Variants in PITPNB observed in about 807,000 individuals in gnomAD.
PITPNB encodes the protein phosphatidylinositol transfer protein beta isoform.
Under a neutral mutation model 45.9 loss-of-function variants are expected in PITPNB, and 16 were observed. The observed-to-expected ratio is 0.35, with a 90% CI of 0.24 to 0.53. The LOEUF (loss-of-function observed/expected upper bound fraction) is 0.53. Among genes scored for constraint, PITPNB ranks in the 20% least tolerant of loss-of-function variants. The pLI is 0.93. For synonymous variants in PITPNB, 112 were observed against 108.9 expected, an observed-to-expected ratio of 1.03 and a Z score of -0.18; for missense variants, 188 against 330.5, an observed-to-expected ratio of 0.57 and a Z score of 3.34.
At chr22:27,879,621 C>T (rs1480615496) in intron 7 of PITPNB, among the ~76,000 whole-genome samples, 1 of 152,116 alleles carries the variant, frequency 6.6e-6, no homozygotes, top group Non-Finnish European at 1.5e-5. Context: ...TCAAACTCTA[C>T]TACCAATGAA....
At chr22:27,882,970 T>C (rs1935016721) in intron 7 of PITPNB, among the ~76,000 whole-genome samples, 1 of 152,136 alleles carries the variant, frequency 6.6e-6, no homozygotes, top group African/African-American at 2.4e-5. Flanking sequence ...AATGAGAAAA[T>C]GTATGAGTGG....
At chr22:27,896,838 T>C in intron 5 of PITPNB, 1 of 604,596 alleles carries the variant, frequency 1.7e-6, no homozygotes, top group East Asian at 2.8e-5. Context: ...ACAATTCTAC[T>C]TGCCACGTGG....
intron 7 of PITPNB, among the ~76,000 whole-genome samples, chr22:27,884,239 G>A (rs1404309936): frequency 6.6e-6 from 1 of 152,182 alleles, no homozygotes; most frequent in Non-Finnish European, 1.5e-5. Context: ...ATCTGCAAAT[G>A]AGGAAAGGTA....
chr22:27,919,238 C>T lies in PITPNB; in HGVS notation c.-47G>A, dbSNP rs527635024. ...CTGCCGCCGATACCACCGCCGCCGC[C>T]GCCGCTACCGCCTCTCACAGCGCCT... On this transcript the variant is annotated 5_prime_UTR_variant, in exon 1 of 12. Coordinates refer to ENST00000335272, the MANE Select transcript of PITPNB (RefSeq NM_012399.5). The T allele has an allele frequency of 2.0e-6, 3 of 1,526,964 alleles. No individual in the cohort carries two copies. The highest frequency in any genetic ancestry group is 1.4e-5 in the African/African-American group (1 of 73,396). The allele number at this position is 1,526,964 out of a possible 1,614,324, so 94.6% of individuals were successfully genotyped here.
intron 1 of PITPNB, among the ~76,000 whole-genome samples, chr22:27,916,975 T>C (rs1366982417): frequency 1.3e-5 from 2 of 152,184 alleles, no homozygotes; most frequent in African/African-American, 4.8e-5. Context: ...CAACACTGAA[T>C]TCTTTAGAGC....
In PITPNB at chr22:27,852,327, C is replaced by T. The variant is rs1934042723; in HGVS notation, c.*1375G>A. 1 of 152,138 alleles carries T rather than the reference C, an allele frequency of 6.6e-6. No individual in the cohort carries two copies. The highest frequency in any genetic ancestry group is 6.5e-5 in the Admixed American group (1 of 15,282). 9.4% of individuals were successfully genotyped at this position (152,138 alleles called of 1,614,324 possible). ...AACAATATAATTCTATTCAAGCTTC[C>T]AGGACTGACAGAGGAAAAACTGGAT... is the stretch of plus-strand genomic sequence containing the variant. On this transcript the variant is annotated 3_prime_UTR_variant, in exon 12 of 12. Transcript: ENST00000335272.
chr22:27,894,570 A>G lies in PITPNB; in HGVS notation c.441T>C (p.Ser147=). The G allele has an allele frequency of 6.3e-7, 1 of 1,576,634 alleles. No individual in the cohort carries two copies. The change falls in exon 7 of 12, where the codon AGT becomes AGC. Residue 147 remains serine (S), a synonymous_variant. Coordinates refer to ENST00000335272, the MANE Select transcript of PITPNB (RefSeq NM_012399.5). The part of the protein sequence containing the change: ...EIVHIDIADR[S]QVEPADYKAD... ...TAATACTTACTGCTGGTTCAACTTG[A>G]CTTCTATCTGCAATATCTATATGGA...
rs142285568 is a variant in PITPNB, at chr22:27,889,109, C to T, written c.456+5446G>A. 2.1e-4 allele frequency among the ~76,000 whole-genome samples: 32 copies of T among 152,246 alleles called. No homozygotes were observed. In the East Asian group the frequency reaches 5.6e-3, roughly 27 times the overall value. On this transcript the variant is annotated intron_variant, in intron 7 of 11. Transcript: ENST00000335272. ...GACTAACGACAAGCAAGCACAACTG[C>T]GCTGGGAGAGGGAACAGGAAGGAAC...
In PITPNB at chr22:27,891,197, T is replaced by C. The variant is rs1226489970; in HGVS notation, c.456+3358A>G. Among the ~76,000 whole-genome samples, 8 of 152,212 alleles carry C rather than the reference T, an allele frequency of 5.3e-5. No individual in the cohort carries two copies. The East Asian group carries it at 1.5e-3, about 29-fold the overall frequency. On this transcript the variant is annotated intron_variant, in intron 7 of 11. Transcript: ENST00000335272. Reference sequence around the variant, plus strand: ...GTTAATGTACCAAATGCCACTGAATTATACATTTAAAAATGGCTAAAAGGG... The same window carrying C: ...GTTAATGTACCAAATGCCACTGAATCATACATTTAAAAATGGCTAAAAGGG...
In PITPNB at chr22:27,873,791, C is replaced by A; in HGVS notation, c.481G>T (p.Ala161Ser). ...TTGGTCTTGACTGACTGGAATAATG[C>A]TGGGTCTTCATCAGCTTTGTAGTCC... ...PADYKADEDP[A>S]LFQSVKTKRG... is the part of the protein sequence containing the mutation. Residue 161 changes from alanine (A) to serine (S), a missense_variant, in exon 8 of 12, where the codon GCA becomes TCA. Physicochemically the swap from Ala to Ser is moderately conservative, Grantham distance 99 (BLOSUM62 1). Coordinates refer to ENST00000335272, the MANE Select transcript of PITPNB (RefSeq NM_012399.5). 1 of 1,613,098 alleles carries A rather than the reference C, an allele frequency of 6.2e-7. No homozygotes were observed. The highest frequency in any genetic ancestry group is 1.1e-5 in the South Asian group (1 of 91,060).
chr22:27,864,041 T>A (rs961429307), intron 8 of PITPNB, among the ~76,000 whole-genome samples: 4 of 152,180 alleles, frequency 2.6e-5, no homozygotes, highest in Admixed American at 6.5e-5. Context: ...ATTATTTTTT[T>A]AAAAACCCTT....
chr22:27,853,806 C>A (rs1209026386), intron 11 of PITPNB, 143 bp from the exon 12 acceptor site: 2 of 662,412 alleles, frequency 3.0e-6, no homozygotes, highest in East Asian at 5.4e-5. Flanking sequence ...CAATTTTCAT[C>A]TGTTCAAAAA....
chr22:27,854,220 T>C (rs1934108777), intron 11 of PITPNB, among the ~76,000 whole-genome samples: 1 of 151,948 alleles, frequency 6.6e-6, no homozygotes, highest in East Asian at 1.9e-4. Flanking sequence ...TGGTTTCAAT[T>C]TGTGAGGGAG....
intron 3 of PITPNB, among the ~76,000 whole-genome samples, chr22:27,899,163 T>C (rs1935521743): frequency 6.6e-6 from 1 of 152,248 alleles, no homozygotes; most frequent in East Asian, 1.9e-4. Context: ...TGGAATGTGT[T>C]TAGCACATTG....
At chr22:27,918,552 G>A (rs973125202) in intron 1 of PITPNB, among the ~76,000 whole-genome samples, 2 of 152,236 alleles carry the variant, frequency 1.3e-5, no homozygotes, top group Non-Finnish European at 2.9e-5. Flanking sequence ...GGCCCGGGAT[G>A]TCACCTCATC....
chr22:27,854,411 A>T (rs9625342), intron 11 of PITPNB, among the ~76,000 whole-genome samples: 6,300 of 152,316 alleles, frequency 0.041, 200 homozygotes, highest in South Asian at 0.11. Context: ...TCTGGTGCAC[A>T]GAAAATATTG....
intron 3 of PITPNB, among the ~76,000 whole-genome samples, chr22:27,908,757 A>C (rs191680065): frequency 6.6e-6 from 1 of 152,142 alleles, no homozygotes; most frequent in African/African-American, 2.4e-5. Context: ...CTCAATAGAC[A>C]TATTTTTCAG....
At chr22:27,870,118 A>ACACATACCTTACAC (rs1934608888) in intron 8 of PITPNB, among the ~76,000 whole-genome samples, 1 of 152,216 alleles carries the variant, frequency 6.6e-6, no homozygotes, top group African/African-American at 2.4e-5. Flanking sequence ...ACACTGCTGT[A>ACACATACCTTACAC]ACTACCACCG....
At chr22:27,869,068 G>A (rs892380878) in intron 8 of PITPNB, among the ~76,000 whole-genome samples, 5 of 151,738 alleles carry the variant, frequency 3.3e-5, no homozygotes, top group African/African-American at 9.7e-5. Context: ...AAAACAAATG[G>A]AAACAGGTAC....
Sources: gnomAD v4.1 joint callset for allele counts (sites outside exome capture counted in the v4.1 genomes callset) on GRCh38, gnomAD v4.1.1 for gene constraint, MANE v1.5 for transcripts, NCBI Gene and HGNC (gene_info 2026-07-23, HGNC 2026-07-21) for gene names.